PTPRN2: variants seen among roughly 807,000 people sequenced by gnomAD.
PTPRN2 encodes the protein protein tyrosine phosphatase receptor type N2, also known as receptor-type tyrosine-protein phosphatase N2.
Under a neutral mutation model 118.8 loss-of-function variants are expected in PTPRN2, and 74 were observed. The observed-to-expected ratio is 0.62, with a 90% CI of 0.52 to 0.76. The LOEUF (loss-of-function observed/expected upper bound fraction) is 0.76, where lower values mean the gene tolerates loss of function less well. PTPRN2 is among the 30% of genes least tolerant of loss of function. PTPRN2 has a pLI of 0.00. For synonymous variants in PTPRN2, 641 were observed against 608.0 expected (o/e 1.05, Z -0.80); for missense variants, 1,481 against 1,394.4 (o/e 1.06, Z -0.99).
chr7:158,369,319 A>T (rs1179220963), intron 2 of PTPRN2, among the ~76,000 whole-genome samples: 3 of 151,908 alleles, frequency 2.0e-5, no homozygotes, highest in Admixed American at 2.0e-4. Context: ...TTATATACAT[A>T]CACGTATATG....
intron 6 of PTPRN2, among the ~76,000 whole-genome samples, chr7:158,145,274 G>T (rs142644473): frequency 1.3e-5 from 2 of 149,584 alleles, no homozygotes; most frequent in African/African-American, 5.0e-5. Context: ...TCACATCATC[G>T]CGAGAAGGTT....
chr7:157,698,002 G>T (rs1319127071), intron 12 of PTPRN2, among the ~76,000 whole-genome samples: 2 of 131,458 alleles, frequency 1.5e-5, no homozygotes, highest in Admixed American at 7.6e-5. Context: ...TGCATACTGG[G>T]TCTTGGCAGA....
intron 3 of PTPRN2, among the ~76,000 whole-genome samples, chr7:158,263,335 C>T (rs112072370): frequency 0.02 from 3,116 of 152,176 alleles, 113 homozygotes; most frequent in African/African-American, 0.071. Flanking sequence ...GTACCTACTG[C>T]ACATGTACAT....
chr7:158,189,196 C>T lies in PTPRN2; in HGVS notation c.549+3131G>A, dbSNP rs73746416. On this transcript the variant is annotated intron_variant, in intron 5 of 22. Transcript: ENST00000389418. The stretch of plus-strand genomic sequence containing the variant: ...TGTGTGGATGTTGCGGCTGCTTGGC[C>T]GACCTCACGTCTGGCTGCTGAGGGC... 3.3e-3 allele frequency among the ~76,000 whole-genome samples: 496 copies of T among 152,328 alleles called. 2 individuals carry two copies. Among genetic ancestry groups the T allele is most frequent in the African/African-American group, 0.011 (452 of 41,564 alleles).
At chr7:157,741,399 G>A (rs897635723) in intron 12 of PTPRN2, among the ~76,000 whole-genome samples, 1 of 152,276 alleles carries the variant, frequency 6.6e-6, no homozygotes, top group East Asian at 1.9e-4. Flanking sequence ...ATGGGTGCCC[G>A]GCCTGCTCTT....
At chr7:158,256,444 C>T (rs182389984) in intron 3 of PTPRN2, among the ~76,000 whole-genome samples, 69 of 152,284 alleles carry the variant, frequency 4.5e-4, no homozygotes, top group African/African-American at 1.4e-3. Flanking sequence ...TATTCTGGTC[C>T]GCGCCATGTG....
intron 2 of PTPRN2, among the ~76,000 whole-genome samples, chr7:158,487,533 TA>T (rs1211513633): frequency 2.0e-5 from 3 of 152,168 alleles, no homozygotes; most frequent in African/African-American, 7.2e-5. Context: ...GTTGGGCTTT[TA>T]AAAAACATAT....
At chr7:157,788,811 G>A (rs573306660) in intron 12 of PTPRN2, among the ~76,000 whole-genome samples, 44 of 152,302 alleles carry the variant, frequency 2.9e-4, no homozygotes, top group Admixed American at 1.8e-3. Flanking sequence ...TCTGCCACAC[G>A]TGAGGCTGCC....
At chr7:158,539,171 A>G (rs1051277332) in intron 1 of PTPRN2, among the ~76,000 whole-genome samples, 1 of 152,230 alleles carries the variant, frequency 6.6e-6, no homozygotes, top group Non-Finnish European at 1.5e-5. Context: ...CTTCAATTTC[A>G]TCTAAAAATG....
chr7:158,015,183 T>G lies in PTPRN2; in HGVS notation c.1723+66115A>C, dbSNP rs927530039. On this transcript the variant is annotated intron_variant, in intron 11 of 22. Coordinates refer to ENST00000389418, the MANE Select transcript of PTPRN2 (RefSeq NM_002847.5). This position sits in a 1 kb window ranked among gnomAD's most constrained non-coding sequence, Gnocchi z 4.2. The stretch of plus-strand genomic sequence containing the variant: ...TAGGCGGTCAGCTGACCTTTCTTCA[T>G]GAGCACTGCAGAGTGCCAGTCTGTG... Among the ~76,000 whole-genome samples the G allele has an allele frequency of 5.3e-5, 8 of 152,216 alleles. No homozygotes were observed. The highest frequency in any genetic ancestry group is 8.8e-5 in the Non-Finnish European group (6 of 68,042).
chr7:158,202,952 G>A (rs185651017), intron 4 of PTPRN2, among the ~76,000 whole-genome samples: 7 of 151,890 alleles, frequency 4.6e-5, no homozygotes, highest in Admixed American at 2.0e-4. Flanking sequence ...TTCCAATCTC[G>A]GCCAGATGTG....
At chr7:157,768,589 C>A (rs1191438399) in intron 12 of PTPRN2, among the ~76,000 whole-genome samples, 1 of 152,168 alleles carries the variant, frequency 6.6e-6, no homozygotes, top group Admixed American at 6.5e-5. Flanking sequence ...GACGCCCCAG[C>A]CCAGCCCCAG....
intron 3 of PTPRN2, among the ~76,000 whole-genome samples, chr7:158,286,637 A>C (rs1165336192): frequency 6.6e-6 from 1 of 152,146 alleles, no homozygotes; most frequent in Non-Finnish European, 1.5e-5. Context: ...CCTTCCCTCA[A>C]TGTGGCATAT....
At chr7:158,080,201 C>G (rs1812688176) in intron 11 of PTPRN2, among the ~76,000 whole-genome samples, 1 of 149,816 alleles carries the variant, frequency 6.7e-6, no homozygotes. Flanking sequence ...TTCAAGTTTA[C>G]AGGGTGCCAG....
At chr7:157,928,663 C>T (rs952153581) in intron 11 of PTPRN2, among the ~76,000 whole-genome samples, 1 of 116,948 alleles carries the variant, frequency 8.6e-6, no homozygotes, top group African/African-American at 3.3e-5. Context: ...GCTGGGAGTG[C>T]AAGTTCCGAC....
At chr7:158,417,816 G>C (rs1004671817) in intron 2 of PTPRN2, among the ~76,000 whole-genome samples, 1 of 142,698 alleles carries the variant, frequency 7.0e-6, no homozygotes, top group African/African-American at 2.7e-5. Flanking sequence ...CTAGCTTTCA[G>C]TGTCCCGCTG....
intron 2 of PTPRN2, among the ~76,000 whole-genome samples, chr7:158,331,377 A>G (rs7794803): frequency 4.4e-4 from 3 of 6,762 alleles, no homozygotes; most frequent in South Asian, 4.8e-3. Context: ...CACCCGCAGA[A>G]GTCACTCACA....
chr7:158,376,403 T>A (rs1261204477), intron 2 of PTPRN2, among the ~76,000 whole-genome samples: 2 of 126,296 alleles, frequency 1.6e-5, no homozygotes, highest in East Asian at 5.0e-4. Context: ...GTCAGGGGAC[T>A]CCCCCATGGC....
intron 11 of PTPRN2, among the ~76,000 whole-genome samples, chr7:158,060,837 G>A (rs1407506991): frequency 1.3e-5 from 2 of 152,228 alleles, no homozygotes; most frequent in Non-Finnish European, 2.9e-5. Context: ...TAAGAAGGAT[G>A]GCCTGGAGGG....
Sources: allele counts gnomAD v4.1 joint callset (sites outside exome capture counted in the v4.1 genomes callset), GRCh38; gene constraint gnomAD v4.1.1; non-coding constraint Gnocchi (gnomAD v3.1); transcripts MANE v1.5; gene names NCBI Gene and HGNC (gene_info 2026-07-23, HGNC 2026-07-21).